The following MDGA2 variants were observed in gnomAD, a reference collection of about 807,000 sequenced individuals.
MDGA2 encodes MAM domain containing glycosylphosphatidylinositol anchor 2.
A neutral mutation model predicts 117.8 loss-of-function variants in MDGA2; 40 were observed. The observed-to-expected ratio is 0.34, with a 90% CI of 0.26 to 0.44. The LOEUF (loss-of-function observed/expected upper bound fraction) is 0.44. Ranked by LOEUF, MDGA2 falls within the 20% of genes least tolerant of loss-of-function variation. The pLI is 1.00. For missense variants in MDGA2, 1,123 were observed against 1,250.6 expected, an observed-to-expected ratio of 0.90 and a Z score of 1.54; for synonymous variants, 452 against 439.0, an observed-to-expected ratio of 1.03 and a Z score of -0.37.
chr14:46,980,524 AC>A (rs1242163924), intron 8 of MDGA2, among the ~76,000 whole-genome samples: 2 of 152,152 alleles, frequency 1.3e-5, no homozygotes, highest in African/African-American at 4.8e-5. Context: ...GAGAGGATTG[AC>A]TCCAATTTTG....
chr14:46,977,798 G>A (rs79459140), intron 8 of MDGA2, among the ~76,000 whole-genome samples: 9,118 of 151,688 alleles, frequency 0.06, 525 homozygotes, highest in Admixed American at 0.18. Context: ...CACAACAGCA[G>A]AAATTGGGGA....
chr14:47,210,347 T>C (rs1360145686), intron 3 of MDGA2, among the ~76,000 whole-genome samples: 1 of 152,184 alleles, frequency 6.6e-6, no homozygotes, highest in Non-Finnish European at 1.5e-5. Context: ...TAAAAACTTA[T>C]TAAGCTAATG....
chr14:47,031,672 G>A (rs1056811169), intron 8 of MDGA2, among the ~76,000 whole-genome samples: 4 of 152,168 alleles, frequency 2.6e-5, no homozygotes, highest in Non-Finnish European at 5.9e-5. Flanking sequence ...CTGGTGGTAG[G>A]TGATTGGATC....
intron 5 of MDGA2, among the ~76,000 whole-genome samples, chr14:47,109,137 A>C (rs953265767): frequency 6.6e-6 from 1 of 152,134 alleles, no homozygotes. Flanking sequence ...AGCATTTCCA[A>C]CTGAAGTGTT....
At chr14:47,651,966 T>C (rs560394192) in intron 1 of MDGA2, among the ~76,000 whole-genome samples, 90 of 152,176 alleles carry the variant, frequency 5.9e-4, no homozygotes, top group African/African-American at 2.0e-3. Flanking sequence ...TAAGTAAAAA[T>C]GTGAAAGAGA....
rs987108748 is a variant in MDGA2 at position 47,648,739 on chromosome 14, A to G, written c.280+25778T>C. 3.9e-5 allele frequency among the ~76,000 whole-genome samples: 6 copies of G among 152,108 alleles called. No individual in the cohort carries two copies. The East Asian group carries it at 1.2e-3, about 30-fold the overall frequency. ...TCACCCAATGTTCTCTGCAGAATAC[A>G]TTTCAGAAGCATATTTTGACCTAAT... On this transcript the variant is annotated intron_variant, in intron 1 of 16. Coordinates refer to ENST00000399232, the MANE Select transcript of MDGA2 (RefSeq NM_001113498.3).
At chr14:47,061,172 TA>T in intron 7 of MDGA2, 76 bp downstream of exon 7, 1 of 1,352,144 alleles carries the variant, frequency 7.4e-7, no homozygotes, top group Non-Finnish European at 1.0e-6. Flanking sequence ...TATTTTTAAC[TA>T]AAACCTACTT....
intron 8 of MDGA2, among the ~76,000 whole-genome samples, chr14:47,014,342 C>A (rs1435874002): frequency 1.3e-5 from 2 of 152,128 alleles, no homozygotes; most frequent in Admixed American, 1.3e-4. Context: ...TTAAATGCAC[C>A]AGCTACATTA....
intron 1 of MDGA2, among the ~76,000 whole-genome samples, chr14:47,528,755 C>A (rs1270567345): frequency 6.6e-6 from 1 of 151,932 alleles, no homozygotes; most frequent in African/African-American, 2.4e-5. Flanking sequence ...TCAAATAATT[C>A]TCTTCTAACT....
intron 1 of MDGA2, among the ~76,000 whole-genome samples, chr14:47,445,353 T>A (rs1021444557): frequency 1.3e-5 from 2 of 152,178 alleles, no homozygotes. Context: ...CTTCATCACC[T>A]GGCTGTAGCG....
intron 1 of MDGA2, among the ~76,000 whole-genome samples, chr14:47,585,742 C>G (rs17118951): frequency 0.032 from 4,830 of 151,936 alleles, 265 homozygotes; most frequent in African/African-American, 0.11. Context: ...TACCTATTCC[C>G]CTTTCATCCT....
At chr14:47,447,996 G>C (rs563602689) in intron 1 of MDGA2, among the ~76,000 whole-genome samples, 12 of 152,134 alleles carry the variant, frequency 7.9e-5, no homozygotes, top group African/African-American at 2.9e-4. Context: ...CTTTCAGAGT[G>C]ACAAAGAGCT....
chr14:47,374,023 T>C (rs926290869), intron 1 of MDGA2, among the ~76,000 whole-genome samples: 2 of 152,174 alleles, frequency 1.3e-5, no homozygotes, highest in African/African-American at 4.8e-5. Context: ...CAACACTTTC[T>C]CTTAATTTTA....
chr14:46,853,537 G>A (rs569107489), intron 15 of MDGA2, among the ~76,000 whole-genome samples: 75 of 151,564 alleles, frequency 4.9e-4, no homozygotes, highest in Admixed American at 8.6e-4. Context: ...ATTACATACA[G>A]AAGAATAAAT....
chr14:47,598,316 C>G (rs969451243), intron 1 of MDGA2, among the ~76,000 whole-genome samples: 13 of 152,168 alleles, frequency 8.5e-5, no homozygotes, highest in African/African-American at 1.7e-4. Flanking sequence ...GTCAATTCTA[C>G]TCCCAGGTAC....
chr14:47,209,268 G>A (rs1045038830), intron 3 of MDGA2, among the ~76,000 whole-genome samples: 3 of 152,126 alleles, frequency 2.0e-5, no homozygotes, highest in Non-Finnish European at 4.4e-5. Context: ...AGTAGTTCGA[G>A]TAGAGTGGTT....
At chr14:46,905,468 A>G (rs1883452319) in intron 10 of MDGA2, among the ~76,000 whole-genome samples, 1 of 152,146 alleles carries the variant, frequency 6.6e-6, no homozygotes, top group African/African-American at 2.4e-5. Context: ...TCTCATACAT[A>G]ATTGTTGATA....
chr14:46,865,389 C>T (rs866439407), intron 14 of MDGA2, among the ~76,000 whole-genome samples: 2 of 151,976 alleles, frequency 1.3e-5, no homozygotes, highest in South Asian at 2.1e-4. Flanking sequence ...TGGGACGTAT[C>T]TCAAAATAAT....
At chr14:47,669,127 G>A (rs545675615) in intron 1 of MDGA2, among the ~76,000 whole-genome samples, 1 of 152,270 alleles carries the variant, frequency 6.6e-6, no homozygotes, top group Admixed American at 6.5e-5. Flanking sequence ...AAGTTTTAAA[G>A]AAGTACAGAG....
Sources: allele counts gnomAD v4.1 joint callset (sites outside exome capture counted in the v4.1 genomes callset), GRCh38; gene constraint gnomAD v4.1.1; transcripts MANE v1.5; gene names NCBI Gene and HGNC (gene_info 2026-07-23, HGNC 2026-07-21).